Variants in GPC5 observed in about 807,000 individuals in gnomAD.
GPC5 encodes glypican 5, also known as glypican-5.
Under a neutral mutation model 53.9 loss-of-function variants are expected in GPC5, and 47 were observed. That is an observed-to-expected ratio of 0.87 (90% confidence interval 0.69 to 1.11). GPC5 has a LOEUF of 1.11. Among genes scored for constraint, GPC5 ranks in the 50% most tolerant of loss-of-function variants. The pLI is 0.00. For missense variants in GPC5, 748 were observed against 713.1 expected, an observed-to-expected ratio of 1.05 and a Z score of -0.56; for synonymous variants, 286 against 263.3, an observed-to-expected ratio of 1.09 and a Z score of -0.84.
chr13:91,598,796 A>G (rs1478933716), intron 2 of GPC5, among the ~76,000 whole-genome samples: 1 of 152,056 alleles, frequency 6.6e-6, no homozygotes, highest in Non-Finnish European at 1.5e-5. Flanking sequence ...CTCCTCATCT[A>G]CCTAACAAAA....
intron 7 of GPC5, among the ~76,000 whole-genome samples, chr13:92,607,208 T>C (rs1260343006): frequency 2.6e-5 from 4 of 152,142 alleles, no homozygotes; most frequent in Non-Finnish European, 4.4e-5. Context: ...TTTTTGTCCT[T>C]TGAAAATAAA....
intron 6 of GPC5, among the ~76,000 whole-genome samples, chr13:91,935,916 G>A (rs1332326856): frequency 6.6e-6 from 1 of 151,944 alleles, no homozygotes; most frequent in Non-Finnish European, 1.5e-5. Flanking sequence ...TGACAAGGGA[G>A]TTGGGTCTAT....
At chr13:92,632,094 G>C (rs1885257756) in intron 7 of GPC5, among the ~76,000 whole-genome samples, 1 of 152,218 alleles carries the variant, frequency 6.6e-6, no homozygotes, top group East Asian at 1.9e-4. Context: ...TCTGTTGCTG[G>C]ACTTGAGAAA....
At chr13:92,786,478 A>C (rs1005308880) in intron 7 of GPC5, among the ~76,000 whole-genome samples, 4 of 152,168 alleles carry the variant, frequency 2.6e-5, no homozygotes, top group Admixed American at 2.0e-4. Context: ...TGAGACTGGC[A>C]TATCTGAAAA....
At chr13:92,280,767 C>T (rs1343859073) in intron 7 of GPC5, among the ~76,000 whole-genome samples, 1 of 151,926 alleles carries the variant, frequency 6.6e-6, no homozygotes, top group Non-Finnish European at 1.5e-5. Context: ...GTGCGGGGGG[C>T]GGTTGCAAGA....
At chr13:92,521,874 C>T (rs1254820729) in intron 7 of GPC5, among the ~76,000 whole-genome samples, 1 of 152,074 alleles carries the variant, frequency 6.6e-6, no homozygotes, top group Non-Finnish European at 1.5e-5. Flanking sequence ...TTGCAATCTA[C>T]CCACCTGACA....
chr13:92,390,211 T>C (rs1350395266), intron 7 of GPC5, among the ~76,000 whole-genome samples: 4 of 152,162 alleles, frequency 2.6e-5, no homozygotes, highest in African/African-American at 9.7e-5. Context: ...ATATCAGACC[T>C]TATAATATCT....
chr13:92,578,207 T>G (rs941648052), intron 7 of GPC5, among the ~76,000 whole-genome samples: 2 of 152,156 alleles, frequency 1.3e-5, no homozygotes, highest in Admixed American at 1.3e-4. Flanking sequence ...AACAGGGACA[T>G]GGCTCAATCG....
intron 5 of GPC5, among the ~76,000 whole-genome samples, chr13:91,781,308 A>G (rs1231634535): frequency 1.3e-5 from 2 of 152,230 alleles, no homozygotes; most frequent in African/African-American, 4.8e-5. Flanking sequence ...TAAAAAGTTA[A>G]CTCAACAAAA....
At position 92,866,328 on chromosome 13, in the gene GPC5, A is replaced by G. The variant is rs199787455; in HGVS notation, c.1608A>G (p.Gln536=). ...MNFSDVKQIH[Q]TDTGSTLDTT... is the part of the protein sequence containing the mutation. ...TCAGTGATGTAAAGCAAATCCATCAAACAGACACTGGCAGTACTTTAGACA... is the reference window on the plus strand; with the variant it reads ...TCAGTGATGTAAAGCAAATCCATCAGACAGACACTGGCAGTACTTTAGACA... Residue 536 remains glutamine, a synonymous_variant, in exon 8 of 8, where the codon CAA becomes CAG. Transcript: ENST00000377067. 4.6e-5 allele frequency: 75 copies of G among 1,612,962 alleles called. No individual in the cohort carries two copies. In the East Asian group the frequency reaches 1.7e-3, roughly 36 times the overall value.
intron 7 of GPC5, among the ~76,000 whole-genome samples, chr13:92,627,181 G>T (rs1390223709): frequency 2.0e-5 from 3 of 152,122 alleles, no homozygotes; most frequent in Non-Finnish European, 4.4e-5. Context: ...CCTTTTAGAA[G>T]AATTATCTTG....
chr13:92,487,840 T>TAAAAAAAAAAA (rs66972682), intron 7 of GPC5, among the ~76,000 whole-genome samples: 1 of 99,582 alleles, frequency 1.0e-5, no homozygotes, highest in East Asian at 2.4e-4. Context: ...ATAAATATAG[T>TAAAAAAAAAAA]AAAAAAAAAA....
At chr13:92,051,604 A>AGAGATTAT (rs1289604224) in intron 6 of GPC5, among the ~76,000 whole-genome samples, 4 of 152,172 alleles carry the variant, frequency 2.6e-5, no homozygotes, top group African/African-American at 9.7e-5. Context: ...TCAGTATCAC[A>AGAGATTAT]GAGATTATTG....
chr13:92,392,211 A>T (rs1315025453), intron 7 of GPC5, among the ~76,000 whole-genome samples: 2 of 152,272 alleles, frequency 1.3e-5, no homozygotes, highest in Middle Eastern at 3.4e-3. Context: ...TTCAAACCAT[A>T]ATTCTTAACC....
intron 2 of GPC5, among the ~76,000 whole-genome samples, chr13:91,474,553 T>C (rs1334505926): frequency 6.6e-6 from 1 of 152,112 alleles, no homozygotes; most frequent in Admixed American, 6.6e-5. Flanking sequence ...ATTACACTGA[T>C]CTAAACAATG....
intron 6 of GPC5, among the ~76,000 whole-genome samples, chr13:92,101,210 CTTT>C (rs200874004): frequency 6.6e-6 from 1 of 151,382 alleles, no homozygotes; most frequent in Admixed American, 6.6e-5. Flanking sequence ...TCTTATTTTT[CTTT>C]TTTTTTCCAT....
chr13:92,605,725 G>A (rs1408546057), intron 7 of GPC5, among the ~76,000 whole-genome samples: 2 of 151,920 alleles, frequency 1.3e-5, no homozygotes, highest in African/African-American at 4.8e-5. Flanking sequence ...GAGTAGCTGG[G>A]ACTACAGGCG....
chr13:92,757,101 C>T (rs1392267919), intron 7 of GPC5, among the ~76,000 whole-genome samples: 1 of 151,768 alleles, frequency 6.6e-6, no homozygotes, highest in African/African-American at 2.4e-5. Context: ...GCTACAGTAA[C>T]CAAAACAGCA....
At chr13:92,132,208 A>C (rs538904538) in intron 6 of GPC5, among the ~76,000 whole-genome samples, 7 of 152,262 alleles carry the variant, frequency 4.6e-5, no homozygotes, top group African/African-American at 1.4e-4. Context: ...GAAGAAAATT[A>C]ATGAGGCATA....
Sources: allele counts gnomAD v4.1 joint callset (sites outside exome capture counted in the v4.1 genomes callset), GRCh38; gene constraint gnomAD v4.1.1; transcripts MANE v1.5; gene names NCBI Gene and HGNC (gene_info 2026-07-23, HGNC 2026-07-21).